Variants in HIPK1 observed in about 807,000 individuals in gnomAD.
HIPK1 encodes the protein homeodomain-interacting protein kinase 1.
A neutral mutation model predicts 117.1 loss-of-function variants in HIPK1; 28 were observed. The ratio of observed to expected loss-of-function variants is 0.24; its 90% CI spans 0.18 to 0.33. The LOEUF is 0.33. HIPK1 is among the 10% of genes least tolerant of loss of function. The pLI is 1.00. For missense variants in HIPK1, 1,122 were observed against 1,475.1 expected (o/e 0.76, Z 3.92); for synonymous variants, 605 against 562.5 (o/e 1.08, Z -1.07).
At chr1:113,936,932 CAA>C (rs1252645189) in intron 1 of HIPK1, among the ~76,000 whole-genome samples, 1 of 152,044 alleles carries the variant, frequency 6.6e-6, no homozygotes, top group Non-Finnish European at 1.5e-5. Context: ...TAATGGAAAA[CAA>C]ATTTAGAAAA....
At chr1:113,957,459 C>T (rs1275022869) in intron 7 of HIPK1, among the ~76,000 whole-genome samples, 173 bp downstream of exon 7, 1 of 152,190 alleles carries the variant, frequency 6.6e-6, no homozygotes, top group Admixed American at 6.5e-5. Context: ...TTACCAGGCA[C>T]AGGCTAACTA....
Position 113,973,401 on chromosome 1 carries a change from G to A in HIPK1, c.3522G>A (p.Gln1174=), listed in dbSNP as rs1480621607. ...LLTSASVAPA[Q]YQHQFATQSY... ...CTTCTGCCAGCGTGGCCCCTGCTCA[G>A]TACCAACACCAGTTTGCCACCCAAT... The change falls in exon 16 of 16, where the codon CAG becomes CAA. Residue 1174 remains glutamine, a synonymous_variant. Transcript: ENST00000426820. 6.2e-7 allele frequency: 1 copy of A among 1,614,020 alleles called. No homozygotes were observed. The highest frequency in any genetic ancestry group is 1.7e-5 in the Admixed American group (1 of 60,000).
chr1:113,970,214 C>G lies in HIPK1; in HGVS notation c.3013+17C>G, dbSNP rs1485711830. The G allele has an allele frequency of 6.2e-7, 1 of 1,612,842 alleles. No individual in the cohort carries two copies. Among genetic ancestry groups the G allele is most frequent in the Admixed American group, 1.7e-5 (1 of 60,000 alleles). ...AGGCCTCAGGTCAGTGTTATCTTCA[C>G]AGCTTGAGTTGAATTCTCCTTTGAT... is the stretch of plus-strand genomic sequence containing the variant. On this transcript the variant is annotated intron_variant, in intron 14 of 15. Coordinates refer to ENST00000426820, the MANE Select transcript of HIPK1 (RefSeq NM_198268.3).
intron 1 of HIPK1, among the ~76,000 whole-genome samples, chr1:113,934,412 A>G (rs775900701): frequency 5.9e-5 from 9 of 152,208 alleles, no homozygotes; most frequent in Non-Finnish European, 1.2e-4. Flanking sequence ...GGATGTGACC[A>G]TGCCAGGGAG....
chr1:113,948,047 G>A (rs1671103066), intron 2 of HIPK1, among the ~76,000 whole-genome samples: 1 of 152,092 alleles, frequency 6.6e-6, no homozygotes, highest in East Asian at 1.9e-4. Flanking sequence ...GAAATAAGGA[G>A]GCCAAGAGGA....
rs570204175 is a variant in HIPK1 at position 113,961,515 on chromosome 1, ATAAGAAGGTAACT to A, written c.1982-799_1982-787del. 7.9e-5 allele frequency among the ~76,000 whole-genome samples: 12 copies of A among 152,366 alleles called. No homozygotes were observed. The South Asian group carries it at 2.3e-3, about 29-fold the overall frequency. On this transcript the variant is annotated intron_variant, in intron 8 of 15. Transcript: ENST00000426820. ...TGAGGAATGGGGAAAAGCATTCTAAATAAGAAGGTAACTTAGATTATAAATTATTGAGCTTTTC... is the reference window on the plus strand; with the variant it reads ...TGAGGAATGGGGAAAAGCATTCTAAATAGATTATAAATTATTGAGCTTTTC...
intron 9 of HIPK1, 135 bp downstream of exon 9, chr1:113,962,573 A>T (rs568192177): frequency 1.3e-6 from 1 of 796,448 alleles, no homozygotes; most frequent in African/African-American, 1.8e-5. Context: ...AAAATGAAAC[A>T]TCTCTATGGA....
At chr1:113,948,395 G>A (rs1671126758) in intron 2 of HIPK1, among the ~76,000 whole-genome samples, 1 of 152,010 alleles carries the variant, frequency 6.6e-6, no homozygotes. Flanking sequence ...AGAACTGCAG[G>A]CATGCACCAC....
chr1:113,957,560 GT>G (rs1223152650), intron 7 of HIPK1, among the ~76,000 whole-genome samples: 5 of 152,310 alleles, frequency 3.3e-5, no homozygotes, highest in African/African-American at 1.2e-4. Flanking sequence ...ACTGCTGTTA[GT>G]TTTACTGACT....
At chr1:113,934,752 C>T (rs1670136593) in intron 1 of HIPK1, among the ~76,000 whole-genome samples, 1 of 138,550 alleles carries the variant, frequency 7.2e-6, no homozygotes, top group Non-Finnish European at 1.5e-5. Context: ...AGTTTGACAC[C>T]AGCCTGGGTG....
intron 1 of HIPK1, among the ~76,000 whole-genome samples, chr1:113,935,405 A>G (rs190254024): frequency 4.9e-4 from 74 of 152,236 alleles, no homozygotes; most frequent in Non-Finnish European, 9.1e-4. Flanking sequence ...GTGTATATGT[A>G]TCACATTTTC....
chr1:113,951,889 CT>C (rs200124036), intron 2 of HIPK1, among the ~76,000 whole-genome samples: 72 of 122,170 alleles, frequency 5.9e-4, no homozygotes, highest in Admixed American at 5.6e-4. Flanking sequence ...ATTTCTTTTT[CT>C]TTTTTTTTTT....
At chr1:113,939,237 C>G (rs1351048820) in intron 1 of HIPK1, among the ~76,000 whole-genome samples, 2 of 151,924 alleles carry the variant, frequency 1.3e-5, no homozygotes, top group Non-Finnish European at 2.9e-5. Context: ...TCACTGCAGC[C>G]TCTACCTCTG....
At chr1:113,965,799 G>A (rs925543080) in intron 10 of HIPK1, among the ~76,000 whole-genome samples, 29 of 152,268 alleles carry the variant, frequency 1.9e-4, no homozygotes, top group African/African-American at 6.5e-4. Context: ...TTGCAAAAAT[G>A]AAACTCCAGC....
In HIPK1 at chr1:113,971,068, A is replaced by G. The variant is rs149735258; in HGVS notation, c.3014-756A>G. On this transcript the variant is annotated intron_variant, in intron 14 of 15. Transcript: ENST00000426820. ...CAACATAAACCTGGGCCATACTTGT[A>G]TAAATTATGTTTTATTATGTATTAT... Among the ~76,000 whole-genome samples, 780 of 152,324 alleles carry G rather than the reference A, an allele frequency of 5.1e-3. 6 individuals carry two copies. The highest frequency in any genetic ancestry group is 0.017 in the African/African-American group (725 of 41,556).
intron 2 of HIPK1, among the ~76,000 whole-genome samples, chr1:113,944,690 G>A (rs1257137010): frequency 6.6e-6 from 1 of 151,152 alleles, no homozygotes; most frequent in Non-Finnish European, 1.5e-5. Flanking sequence ...ATGTTGGCCG[G>A]GATGGTCTCG....
chr1:113,947,900 T>G (rs1558132996), intron 2 of HIPK1, among the ~76,000 whole-genome samples: 1 of 152,136 alleles, frequency 6.6e-6, no homozygotes, highest in African/African-American at 2.4e-5. Flanking sequence ...TAGATAACCT[T>G]TTTTACTGCC....
At chr1:113,959,510 G>A (rs1422824983) in intron 8 of HIPK1, among the ~76,000 whole-genome samples, 24 of 152,170 alleles carry the variant, frequency 1.6e-4, no homozygotes. Context: ...TAGCAGATTA[G>A]CCACTTTTTT....
chr1:113,963,417 C>G lies in HIPK1; in HGVS notation c.2134C>G (p.Leu712Val), dbSNP rs1672249909. The stretch of plus-strand genomic sequence containing the variant: ...CTGTACACCACTAATGGTAGCAACT[C>G]TCCACCCTCAAGTAGCCACCATCAC... The part of the protein sequence containing the change: ...GSCTPLMVAT[L>V]HPQVATITPQ... The change falls in exon 10 of 16, where the codon CTC (leucine) becomes GTC (valine). Residue 712 changes from leucine to valine, a missense_variant. By Grantham distance (32) the Leu-to-Val change is conservative. This residue lies in a region of HIPK1 where 731 missense variants were observed against 860.4 expected (regional missense o/e 0.85). Transcript: ENST00000426820. 1.2e-6 allele frequency: 2 copies of G among 1,614,132 alleles called. No individual in the cohort carries two copies. The highest frequency in any genetic ancestry group is 1.7e-6 in the Non-Finnish European group (2 of 1,180,042).
Sources: allele counts gnomAD v4.1 joint callset (sites outside exome capture counted in the v4.1 genomes callset), GRCh38; gene constraint gnomAD v4.1.1; regional missense constraint gnomAD v4.1.1; transcripts MANE v1.5; gene names NCBI Gene and HGNC (gene_info 2026-07-23, HGNC 2026-07-21).